The following N4BP2 variants were observed in gnomAD, a reference collection of about 807,000 sequenced individuals.
N4BP2 encodes the protein NEDD4 binding protein 2.
In N4BP2, 91 loss-of-function variants were observed where a neutral mutation model predicts 152.8. The observed-to-expected ratio is 0.60, with a 90% CI of 0.50 to 0.71. N4BP2 has a LOEUF of 0.71. Ranked by LOEUF, N4BP2 falls within the 30% of genes least tolerant of loss-of-function variation. The pLI, the probability that N4BP2 is intolerant of heterozygous loss-of-function variation, is 0.00. For synonymous variants in N4BP2, 646 were observed against 705.3 expected, an observed-to-expected ratio of 0.92 and a Z score of 1.33; for missense variants, 1,923 against 2,059.1, an observed-to-expected ratio of 0.93 and a Z score of 1.28.
chr4:40,116,078 G>A (rs555922356), intron 7 of N4BP2, among the ~76,000 whole-genome samples: 1 of 152,106 alleles, frequency 6.6e-6, no homozygotes, highest in Admixed American at 6.5e-5. Flanking sequence ...GATTTTTGTT[G>A]TAAAGTGTAA....
chr4:40,077,301 C>T (rs922444181), intron 2 of N4BP2, among the ~76,000 whole-genome samples: 3 of 151,722 alleles, frequency 2.0e-5, no homozygotes, highest in African/African-American at 7.3e-5. Flanking sequence ...GTGTGTACCA[C>T]CATGCCTGGC....
rs978601271 is a variant in N4BP2, at chr4:40,132,635, T to A, written c.4646+716T>A. Among the ~76,000 whole-genome samples the A allele has an allele frequency of 7.9e-5, 12 of 152,316 alleles. No individual in the cohort carries two copies. The South Asian group carries it at 1.7e-3, about 21-fold the overall frequency. On this transcript the variant is annotated intron_variant, in intron 13 of 17. Transcript: ENST00000261435. ...AATTATTGTAGTGTTATGTTAGGTA[T>A]ATCAGGAATGCTCTGGTTTGAAAAA... is the stretch of plus-strand genomic sequence containing the variant.
At chr4:40,164,367 T>A in the N4BP2 span, among the ~76,000 whole-genome samples, 1 of 152,172 alleles carries the variant, frequency 6.6e-6, no homozygotes, top group Non-Finnish European at 1.5e-5. Context: ...TGGCTGAGCA[T>A]GGAGATGATG....
rs1718089997 is a variant in N4BP2 at position 40,123,145 on chromosome 4, A to C, written c.4217A>C (p.Asp1406Ala). Residue 1406 changes from aspartate (D) to alanine (A), a missense_variant, in exon 10 of 18, where the codon GAT becomes GCT. Coordinates refer to ENST00000261435, the MANE Select transcript of N4BP2 (RefSeq NM_018177.6). ...CCACAAGGGTCTCTAACAGTTGAAG[A>C]TTGTGTGGTTCATATAGATCTGAAT... ...GIDSGSLTVE[D>A]CVVHIDLNLA... The C allele has an allele frequency of 6.2e-7, 1 of 1,610,146 alleles. No homozygotes were observed. The highest frequency in any genetic ancestry group is 8.5e-7 in the Non-Finnish European group (1 of 1,177,158).
At chr4:40,152,972 G>A in intron 17 of N4BP2, 69 bp downstream of exon 17, 1 of 1,519,124 alleles carries the variant, frequency 6.6e-7, no homozygotes, top group Non-Finnish European at 9.1e-7. Flanking sequence ...ATTTCTGTGA[G>A]TATAGATTTC....
chr4:40,069,159 C>T (rs1322298153), intron 1 of N4BP2, among the ~76,000 whole-genome samples: 3 of 149,554 alleles, frequency 2.0e-5, no homozygotes, highest in East Asian at 2.0e-4. Flanking sequence ...AATTCCCAGC[C>T]GGGCACAGTG....
At chr4:40,075,891 A>T (rs1340215761) in intron 2 of N4BP2, among the ~76,000 whole-genome samples, 1 of 152,068 alleles carries the variant, frequency 6.6e-6, no homozygotes, top group Non-Finnish European at 1.5e-5. Flanking sequence ...CAGTGCTTTG[A>T]TTACTGCCTA....
the N4BP2 span, among the ~76,000 whole-genome samples, chr4:40,171,993 A>G: frequency 4.6e-5 from 7 of 151,998 alleles, no homozygotes; most frequent in African/African-American, 1.7e-4. Flanking sequence ...TGCAACCTCC[A>G]CCTCCTGGGT....
intron 1 of N4BP2, among the ~76,000 whole-genome samples, chr4:40,062,117 C>T (rs1329850429): frequency 8.0e-6 from 1 of 124,874 alleles, no homozygotes; most frequent in African/African-American, 3.1e-5. Context: ...CTCGCTCTGT[C>T]ACCTAGGTGG....
At chr4:40,148,294 T>A (rs1720796764) in intron 16 of N4BP2, among the ~76,000 whole-genome samples, 1 of 152,016 alleles carries the variant, frequency 6.6e-6, no homozygotes, top group Non-Finnish European at 1.5e-5. Context: ...ACCAAAAAAA[T>A]AAGAAAACCA....
At chr4:40,134,351 G>C (rs1336992586) in intron 13 of N4BP2, among the ~76,000 whole-genome samples, 1 of 150,612 alleles carries the variant, frequency 6.6e-6, no homozygotes. Flanking sequence ...AAATAGCTCA[G>C]AGTTGTGCTT....
At chr4:40,158,795 A>G (rs113997075), downstream of N4BP2, among the ~76,000 whole-genome samples, 1,355 of 152,152 alleles carry the variant, frequency 8.9e-3, 10 homozygotes, top group Non-Finnish European at 0.013. Flanking sequence ...TCTCTTAGAG[A>G]CTCAAGTAAT....
chr4:40,084,993 A>G (rs992435317), intron 2 of N4BP2, among the ~76,000 whole-genome samples: 24 of 136,656 alleles, frequency 1.8e-4, no homozygotes, highest in African/African-American at 6.7e-4. Flanking sequence ...GCTCACTGCC[A>G]CCTCCGCCTC....
At chr4:40,130,743 C>A (rs889621919) in intron 12 of N4BP2, among the ~76,000 whole-genome samples, 1 of 152,166 alleles carries the variant, frequency 6.6e-6, no homozygotes, top group Non-Finnish European at 1.5e-5. Flanking sequence ...TTCAAGGAAT[C>A]CTCCTACCTC....
the N4BP2 span, among the ~76,000 whole-genome samples, chr4:40,164,257 G>A: frequency 6.6e-6 from 1 of 152,148 alleles, no homozygotes; most frequent in Non-Finnish European, 1.5e-5. Flanking sequence ...AAAGTTTGAG[G>A]GGGAGGGAAA....
chr4:40,147,941 CAG>C (rs1720753473), intron 16 of N4BP2, among the ~76,000 whole-genome samples: 1 of 150,728 alleles, frequency 6.6e-6, no homozygotes, highest in Admixed American at 6.6e-5. Flanking sequence ...GGCGGCCGGG[CAG>C]AGACGCTCCT....
At chr4:40,084,770 C>G (rs1056662226) in intron 2 of N4BP2, among the ~76,000 whole-genome samples, 4 of 151,246 alleles carry the variant, frequency 2.6e-5, no homozygotes, top group African/African-American at 9.7e-5. Flanking sequence ...GCTGGGCCAC[C>G]ATGCCCAGCT....
At chr4:40,084,205 C>T (rs141390674) in intron 2 of N4BP2, among the ~76,000 whole-genome samples, 4,450 of 152,298 alleles carry the variant, frequency 0.029, 95 homozygotes, top group Middle Eastern at 0.054. Context: ...CCTGCCTTGG[C>T]CTCTCAAAGT....
intron 8 of N4BP2, 45 bp downstream of exon 8, chr4:40,118,069 T>C: frequency 7.0e-7 from 1 of 1,426,904 alleles, no homozygotes; most frequent in Non-Finnish European, 9.4e-7. Context: ...TGAAATATAA[T>C]TTTTAAAAGG....
Sources: gnomAD v4.1 joint callset for allele counts (sites outside exome capture counted in the v4.1 genomes callset) on GRCh38, gnomAD v4.1.1 for gene constraint, MANE v1.5 for transcripts, NCBI Gene and HGNC (gene_info 2026-07-23, HGNC 2026-07-21) for gene names.